Variants in AHCY observed in about 807,000 individuals in gnomAD.
AHCY encodes the protein S-adenosyl-L-homocysteine hydrolase.
AHCY carries 24 observed loss-of-function variants against 45.4 expected under a neutral mutation model. The observed-to-expected ratio is 0.53, with a 90% CI of 0.38 to 0.74. AHCY has a LOEUF of 0.74. Ranked by LOEUF, AHCY falls within the 30% of genes least tolerant of loss-of-function variation. The pLI, the probability that AHCY is intolerant of heterozygous loss-of-function variation, is 0.00. For missense variants in AHCY, 449 were observed against 594.1 expected (o/e 0.76, Z 2.54); for synonymous variants, 245 against 235.1 (o/e 1.04, Z -0.39).
downstream of AHCY, among the ~76,000 whole-genome samples, chr20:34,275,428 G>A (rs780643952): frequency 4.6e-5 from 7 of 152,018 alleles, no homozygotes; most frequent in South Asian, 4.2e-4. Flanking sequence ...CACCACACCC[G>A]GCCCTCTGTT....
the AHCY span, among the ~76,000 whole-genome samples, chr20:34,251,928 A>G: frequency 6.6e-6 from 1 of 152,230 alleles, no homozygotes; most frequent in Non-Finnish European, 1.5e-5. Context: ...CATGAGAAAT[A>G]AATTTCCGTT....
chr20:34,241,479 C>A, the AHCY span: 5 of 985,416 alleles, frequency 5.1e-6, no homozygotes, highest in Non-Finnish European at 6.0e-6. Context: ...GGGCTCTTTG[C>A]GGGAAAGCAT....
At chr20:34,253,812 C>T in the AHCY span, among the ~76,000 whole-genome samples, 61 of 152,192 alleles carry the variant, frequency 4.0e-4, no homozygotes, top group Admixed American at 7.9e-4. Context: ...GGTCAGGCAG[C>T]CATTTAAATG....
At chr20:34,274,443 G>C in the AHCY span, among the ~76,000 whole-genome samples, 1 of 152,150 alleles carries the variant, frequency 6.6e-6, no homozygotes, top group Non-Finnish European at 1.5e-5. Flanking sequence ...TGCCTGCGTA[G>C]AGCCAACACC....
At chr20:34,288,224 G>A (rs2036251528) in intron 8 of AHCY, among the ~76,000 whole-genome samples, 2 of 152,218 alleles carry the variant, frequency 1.3e-5, no homozygotes, top group Non-Finnish European at 2.9e-5. Context: ...TGGGTTCATA[G>A]AGCTGCCTGT....
chr20:34,285,927 C>T (rs867249732), intron 8 of AHCY: 4 of 385,414 alleles, frequency 1.0e-5, no homozygotes, highest in Middle Eastern at 8.2e-4. Context: ...AGTGAAAGCC[C>T]GTCTCTACTA....
chr20:34,233,921 C>G, the AHCY span, among the ~76,000 whole-genome samples: 1 of 152,238 alleles, frequency 6.6e-6, no homozygotes, highest in African/African-American at 2.4e-5. Flanking sequence ...AGTCAACACT[C>G]TGCAGCCAGT....
chr20:34,251,374 C>T, the AHCY span, among the ~76,000 whole-genome samples: 1 of 151,968 alleles, frequency 6.6e-6, no homozygotes, highest in Non-Finnish European at 1.5e-5. Context: ...CGGTTCACAC[C>T]ATTCTCCTGC....
chr20:34,303,571 C>A (rs2036854942), upstream of AHCY, among the ~76,000 whole-genome samples: 3 of 152,262 alleles, frequency 2.0e-5, no homozygotes, highest in South Asian at 6.2e-4. Context: ...GCCGTCCTCT[C>A]GCTGGTTCAG....
chr20:34,285,468 G>A lies in AHCY; in HGVS notation c.1139C>T (p.Pro380Leu). The change falls in exon 9 of 10, where the codon CCC becomes CTC. Residue 380 changes from proline to leucine, a missense_variant. Transcript: ENST00000217426. ...CTTGGGCAGGAAATGAACCCCAACG[G>A]GGTACTTGTCTGGATGGGTCCACAG... ...IELWTHPDKY[P>L]VGVHFLPKKL... The A allele has an allele frequency of 6.2e-7, 1 of 1,614,024 alleles. No homozygotes were observed. Among genetic ancestry groups the A allele is most frequent in the Non-Finnish European group, 8.5e-7 (1 of 1,179,922 alleles).
At chr20:34,239,043 T>TCCCAG in the AHCY span, among the ~76,000 whole-genome samples, 2 of 152,144 alleles carry the variant, frequency 1.3e-5, no homozygotes, top group East Asian at 3.9e-4. Flanking sequence ...CCTGGCTAAT[T>TCCCAG]ATTTCTAAGG....
the AHCY span, among the ~76,000 whole-genome samples, chr20:34,244,172 A>G: frequency 6.6e-6 from 1 of 152,244 alleles, no homozygotes; most frequent in Non-Finnish European, 1.5e-5. Flanking sequence ...GCAGCAATTT[A>G]GAACAAACAC....
At chr20:34,306,517 C>T (rs748002284), upstream of AHCY, among the ~76,000 whole-genome samples, 17 of 152,072 alleles carry the variant, frequency 1.1e-4, no homozygotes, top group East Asian at 3.1e-3. Context: ...TACAGGCACA[C>T]GCTCCCACAC....
chr20:34,305,248 C>T (rs2036883147), upstream of AHCY, among the ~76,000 whole-genome samples: 1 of 151,798 alleles, frequency 6.6e-6, no homozygotes, highest in African/African-American at 2.4e-5. Context: ...GGCGTGAACC[C>T]GGGAGGCCGA....
the AHCY span, among the ~76,000 whole-genome samples, chr20:34,253,225 C>T: frequency 6.6e-6 from 1 of 151,790 alleles, no homozygotes; most frequent in East Asian, 2.0e-4. Context: ...CCTGCCTCAG[C>T]CTCCCGAGTA....
chr20:34,302,913 C>G (rs2036828519), intron 1 of AHCY: 11 of 985,326 alleles, frequency 1.1e-5, no homozygotes, highest in Middle Eastern at 5.2e-4. Flanking sequence ...GCAGGCCCCC[C>G]GAGCAGGGTC....
the AHCY span, among the ~76,000 whole-genome samples, chr20:34,238,981 A>T: frequency 2.6e-5 from 4 of 152,132 alleles, no homozygotes; most frequent in African/African-American, 9.7e-5. Flanking sequence ...TTGGTTAGGT[A>T]AGGAAACAGA....
chr20:34,277,668 T>C (rs923124853), downstream of AHCY, among the ~76,000 whole-genome samples: 4 of 138,606 alleles, frequency 2.9e-5, no homozygotes, highest in Non-Finnish European at 4.5e-5. Flanking sequence ...GGCAGGAGAA[T>C]GGCGTGAACC....
the AHCY span, among the ~76,000 whole-genome samples, chr20:34,267,139 T>G: frequency 2.0e-5 from 3 of 152,196 alleles, no homozygotes; most frequent in Non-Finnish European, 4.4e-5. Context: ...AACATAGCAG[T>G]GAATAAGAAA....
Sources: gnomAD v4.1 joint callset for allele counts (sites outside exome capture counted in the v4.1 genomes callset) on GRCh38, gnomAD v4.1.1 for gene constraint, MANE v1.5 for transcripts, NCBI Gene and HGNC (gene_info 2026-07-23, HGNC 2026-07-21) for gene names.